The following GRID2 variants were observed in gnomAD, a reference collection of about 807,000 sequenced individuals.
GRID2 encodes the protein glutamate ionotropic receptor delta type subunit 2, also known as glutamate receptor ionotropic, delta-2.
Under a neutral mutation model 114.8 loss-of-function variants are expected in GRID2, and 33 were observed. The ratio of observed to expected loss-of-function variants is 0.29; its 90% CI spans 0.22 to 0.38. GRID2 has a LOEUF of 0.38. GRID2 is among the 10% of genes least tolerant of loss of function. The probability of loss-of-function intolerance (pLI) is 1.00; values close to 1 mark genes in which losing one functional copy is unlikely to be tolerated. For missense variants in GRID2, 1,184 were observed against 1,257.7 expected (o/e 0.94, Z 0.89); for synonymous variants, 505 against 449.9 (o/e 1.12, Z -1.55).
At chr4:93,084,121 TG>T (rs34395657) in intron 2 of GRID2, among the ~76,000 whole-genome samples, 10,535 of 152,218 alleles carry the variant, frequency 0.069, 506 homozygotes, top group African/African-American at 0.14. Flanking sequence ...CACTGATTTT[TG>T]AACTTATTTT....
chr4:92,385,416 C>A (rs1729898473), intron 1 of GRID2, among the ~76,000 whole-genome samples: 1 of 151,578 alleles, frequency 6.6e-6, no homozygotes, highest in South Asian at 2.1e-4. Flanking sequence ...AGAGTATCAA[C>A]TGGAATTTAT....
At chr4:93,060,115 C>A (rs2149291548) in intron 2 of GRID2, among the ~76,000 whole-genome samples, 1 of 152,106 alleles carries the variant, frequency 6.6e-6, no homozygotes, top group Non-Finnish European at 1.5e-5. Flanking sequence ...TTTGCTTTGG[C>A]ATGAAATGCT....
intron 2 of GRID2, among the ~76,000 whole-genome samples, chr4:93,008,676 T>C (rs1209699131): frequency 6.6e-6 from 1 of 152,134 alleles, no homozygotes; most frequent in Non-Finnish European, 1.5e-5. Flanking sequence ...AATCATCTAC[T>C]TCCAAATGCA....
intron 1 of GRID2, among the ~76,000 whole-genome samples, chr4:92,393,532 G>A (rs1347898328): frequency 6.6e-6 from 1 of 152,082 alleles, no homozygotes; most frequent in African/African-American, 2.4e-5. Flanking sequence ...AGTCTTATAT[G>A]TACTTATATG....
At chr4:92,686,729 T>A (rs1733924995) in intron 2 of GRID2, among the ~76,000 whole-genome samples, 1 of 151,992 alleles carries the variant, frequency 6.6e-6, no homozygotes, top group African/African-American at 2.4e-5. Context: ...AATTATTTTA[T>A]AAGAATTAGT....
At position 92,925,208 on chromosome 4, in the gene GRID2, G is replaced by T. The variant is rs552694776; in HGVS notation, c.245-159787G>T. 2.2e-4 allele frequency among the ~76,000 whole-genome samples: 34 copies of T among 152,094 alleles called. No individual in the cohort carries two copies. The South Asian group carries it at 2.3e-3, about 10-fold the overall frequency. On this transcript the variant is annotated intron_variant, in intron 2 of 15. Coordinates refer to ENST00000282020, the MANE Select transcript of GRID2 (RefSeq NM_001510.4). Reference sequence around the variant, plus strand: ...TAAAATTCATTTTATTGTGTAATCTGGGTATTCCTTCTCTGTCTCTCCTTT... The same window carrying T: ...TAAAATTCATTTTATTGTGTAATCTTGGTATTCCTTCTCTGTCTCTCCTTT...
Position 93,238,554 on chromosome 4 carries a change from C to A in GRID2, c.1245+64C>A, listed in dbSNP as rs1036296097. On this transcript the variant is annotated intron_variant, in intron 8 of 15. Transcript: ENST00000282020. ...ACTATGGTTTTGCTTGATTGTTTTC[C>A]ATGCAGTATGATCACAGTACCCATT... is the stretch of plus-strand genomic sequence containing the variant. The A allele has an allele frequency of 2.0e-4, 281 of 1,427,354 alleles. 2 individuals carry two copies. In the Admixed American group the frequency reaches 4.8e-3, roughly 24 times the overall value. 88.4% of individuals were successfully genotyped at this position (1,427,354 alleles called of 1,614,324 possible).
chr4:92,824,396 C>A lies in GRID2; in HGVS notation c.244+234110C>A, dbSNP rs1435592877. 5.3e-5 allele frequency among the ~76,000 whole-genome samples: 8 copies of A among 152,126 alleles called. No individual in the cohort carries two copies. In the East Asian group the frequency reaches 1.4e-3, roughly 26 times the overall value. On this transcript the variant is annotated intron_variant, in intron 2 of 15. Coordinates refer to ENST00000282020, the MANE Select transcript of GRID2 (RefSeq NM_001510.4). Reference sequence around the variant, plus strand: ...GTTTGTTTGTTTCTAGCAGTTTTTGCCAGCTATTCCCTGCTACCTGTGACA... The same window carrying A: ...GTTTGTTTGTTTCTAGCAGTTTTTGACAGCTATTCCCTGCTACCTGTGACA...
Position 92,369,724 on chromosome 4 carries a change from T to C in GRID2, c.88+64980T>C, listed in dbSNP as rs115334079. Among the ~76,000 whole-genome samples the C allele has an allele frequency of 5.8e-3, 880 of 152,248 alleles. 11 individuals carry two copies. The highest frequency in any genetic ancestry group is 0.02 in the African/African-American group (826 of 41,556). ...TAGGATCTTGGAAAGTTGTAGATTC[T>C]TACATAGAACCACATAGAATTGAGG... is the stretch of plus-strand genomic sequence containing the variant. On this transcript the variant is annotated intron_variant, in intron 1 of 15. Coordinates refer to ENST00000282020, the MANE Select transcript of GRID2 (RefSeq NM_001510.4).
At chr4:93,748,830 T>C (rs1369447686) in intron 14 of GRID2, among the ~76,000 whole-genome samples, 1 of 152,090 alleles carries the variant, frequency 6.6e-6, no homozygotes, top group Non-Finnish European at 1.5e-5. Context: ...TTTTTTTTTT[T>C]ATGTTAAGGA....
At chr4:93,052,270 C>G (rs1398946466) in intron 2 of GRID2, among the ~76,000 whole-genome samples, 1 of 152,064 alleles carries the variant, frequency 6.6e-6, no homozygotes, top group Non-Finnish European at 1.5e-5. Context: ...GTATTCATCA[C>G]TATCTGCTTC....
intron 1 of GRID2, among the ~76,000 whole-genome samples, chr4:92,545,311 G>T (rs1056624513): frequency 3.9e-5 from 6 of 152,100 alleles, no homozygotes; most frequent in African/African-American, 1.4e-4. Flanking sequence ...TTATATTCTA[G>T]GTCCCCATGG....
chr4:92,578,405 G>T (rs1728011276), intron 1 of GRID2, among the ~76,000 whole-genome samples: 1 of 150,872 alleles, frequency 6.6e-6, no homozygotes, highest in Non-Finnish European at 1.5e-5. Flanking sequence ...TACTGAGAAT[G>T]ATGATTTCCA....
chr4:93,126,584 C>CTTTTTTTTTTTTTTTTTTTTTT (rs60017147), intron 4 of GRID2, among the ~76,000 whole-genome samples: 3 of 52,734 alleles, frequency 5.7e-5, no homozygotes, highest in African/African-American at 2.4e-4. Flanking sequence ...CTATTTAATT[C>CTTTTTTTTTTTTTTTTTTTTTT]TTTTTTTTTT....
intron 4 of GRID2, among the ~76,000 whole-genome samples, chr4:93,156,641 A>T (rs1279563937): frequency 2.0e-5 from 3 of 151,830 alleles, no homozygotes; most frequent in Non-Finnish European, 4.4e-5. Flanking sequence ...AGAAAAACAG[A>T]GATGGATACT....
At chr4:92,543,865 A>G (rs1726103904) in intron 1 of GRID2, among the ~76,000 whole-genome samples, 1 of 152,202 alleles carries the variant, frequency 6.6e-6, no homozygotes, top group African/African-American at 2.4e-5. Flanking sequence ...AGTTATTATC[A>G]GAGGGAAGCT....
rs1389552460 is a variant in GRID2, at chr4:92,993,330, A to G, written c.245-91665A>G. Reference sequence around the variant, plus strand: ...AAAAAACTTTCTGTTGAATGCAGTTACTTTCTGAGTAAATTTACAGTATTC... The same window carrying G: ...AAAAAACTTTCTGTTGAATGCAGTTGCTTTCTGAGTAAATTTACAGTATTC... On this transcript the variant is annotated intron_variant, in intron 2 of 15. Coordinates refer to ENST00000282020, the MANE Select transcript of GRID2 (RefSeq NM_001510.4). Among the ~76,000 whole-genome samples, 3 of 151,484 alleles carry G rather than the reference A, an allele frequency of 2.0e-5. No homozygotes were observed. In the East Asian group the frequency reaches 5.8e-4, roughly 29 times the overall value.
chr4:92,845,479 G>T (rs1302048579), intron 2 of GRID2, among the ~76,000 whole-genome samples: 1 of 152,072 alleles, frequency 6.6e-6, no homozygotes, highest in East Asian at 1.9e-4. Context: ...TGGAGTGGGA[G>T]TTATCTCCCT....
chr4:93,615,815 C>T (rs1741581388), intron 13 of GRID2, among the ~76,000 whole-genome samples: 1 of 151,804 alleles, frequency 6.6e-6, no homozygotes, highest in South Asian at 2.1e-4. Context: ...CTACACATAC[C>T]ATCAAACAAC....
Sources: allele counts gnomAD v4.1 joint callset (sites outside exome capture counted in the v4.1 genomes callset), GRCh38; gene constraint gnomAD v4.1.1; transcripts MANE v1.5; gene names NCBI Gene and HGNC (gene_info 2026-07-23, HGNC 2026-07-21).